CLASP1: variants seen among roughly 807,000 people sequenced by gnomAD.
CLASP1 encodes CLIP-associating protein 1.
CLASP1 carries 38 observed loss-of-function variants against 192.3 expected under a neutral mutation model. The observed-to-expected ratio is 0.20, with a 90% CI of 0.15 to 0.26. CLASP1 has a LOEUF of 0.26. Among genes scored for constraint, CLASP1 ranks in the 10% least tolerant of loss-of-function variants. CLASP1 has a pLI of 1.00. For missense variants in CLASP1, 1,433 were observed against 1,932.5 expected (o/e 0.74, Z 4.85); for synonymous variants, 691 against 712.8 (o/e 0.97, Z 0.49).
At position 121,533,235 on chromosome 2, in the gene CLASP1, C is replaced by T. The variant is rs550079376; in HGVS notation, c.196-2910G>A. On this transcript the variant is annotated intron_variant, in intron 2 of 39. Transcript: ENST00000263710. ...GCACCTGAGCCCCAGAGAAATAGGA[C>T]AGGAGAGGTCCAGGGTGTCAGCCAG... Among the ~76,000 whole-genome samples the T allele has an allele frequency of 1.9e-3, 292 of 152,272 alleles. 2 individuals carry two copies. The highest frequency in any genetic ancestry group is 6.0e-3 in the African/African-American group (249 of 41,550).
chr2:121,390,312 CACTGTTCTTGTCGGCATATGTGA>C (rs2074118545), intron 30 of CLASP1, among the ~76,000 whole-genome samples: 1 of 152,154 alleles, frequency 6.6e-6, no homozygotes, highest in Non-Finnish European at 1.5e-5. Context: ...TGGAGTACGC[CACTGTTCTTGTCGGCATATGTGA>C]ACTGTTATCT....
intron 8 of CLASP1, among the ~76,000 whole-genome samples, chr2:121,478,353 C>A (rs1239869927): frequency 2.0e-5 from 3 of 152,174 alleles, no homozygotes; most frequent in African/African-American, 4.8e-5. Context: ...GTAATCCCAG[C>A]ACTTTGGGAG....
intron 8 of CLASP1, among the ~76,000 whole-genome samples, chr2:121,483,546 ATG>A (rs200749088): frequency 1.1e-4 from 16 of 151,246 alleles, no homozygotes; most frequent in South Asian, 6.2e-4. Flanking sequence ...GTATGTATAT[ATG>A]TGTGTGTATA....
intron 25 of CLASP1, 28 bp from the exon 27 acceptor site, chr2:121,404,462 A>C: frequency 6.3e-7 from 1 of 1,576,572 alleles, no homozygotes; most frequent in Non-Finnish European, 8.7e-7. Context: ...GAAATCAATG[A>C]ATTTACTACT....
intron 2 of CLASP1, among the ~76,000 whole-genome samples, chr2:121,594,915 G>T (rs568255881): frequency 2.8e-5 from 4 of 141,318 alleles, no homozygotes; most frequent in African/African-American, 1.2e-4. Context: ...TTTTTTAACT[G>T]TTTTCTGAGG....
At chr2:121,592,796 G>A (rs1438013305) in intron 2 of CLASP1, among the ~76,000 whole-genome samples, 1 of 152,098 alleles carries the variant, frequency 6.6e-6, no homozygotes, top group African/African-American at 2.4e-5. Context: ...GGGACTATAG[G>A]TGCCCGCCAC....
intron 34 of CLASP1, among the ~76,000 whole-genome samples, chr2:121,376,540 G>A (rs2070245924): frequency 6.6e-6 from 1 of 151,848 alleles, no homozygotes; most frequent in South Asian, 2.1e-4. Flanking sequence ...GGGGGGGTCG[G>A]GGAGGAAAAC....
At chr2:121,451,814 T>A (rs200965196) in exon 15 of CLASP1, 17 of 1,575,690 alleles carry the variant, frequency 1.1e-5, no homozygotes, top group Non-Finnish European at 1.4e-5. Flanking sequence ...TGTCTGCCAT[T>A]CTTGTAAAAG....
At chr2:121,339,903 C>T (rs990020983) in exon 40 of CLASP1, 3 of 152,162 alleles carry the variant, frequency 2.0e-5, no homozygotes, top group Admixed American at 6.5e-5. Context: ...CATGTTAGAA[C>T]TGAACGGCTT....
intron 15 of CLASP1, 100 bp downstream of exon 15, chr2:121,451,690 A>G (rs1032240231): frequency 8.3e-6 from 7 of 845,998 alleles, no homozygotes; most frequent in Admixed American, 2.4e-5. Context: ...AAACGCATAT[A>G]TTCCTCCATT....
At chr2:121,514,378 C>T (rs2094227560) in intron 7 of CLASP1, among the ~76,000 whole-genome samples, 1 of 152,166 alleles carries the variant, frequency 6.6e-6, no homozygotes, top group Non-Finnish European at 1.5e-5. Context: ...CATGCCTTCC[C>T]TGATCATCTG....
chr2:121,498,201 C>CTTTTTTTTTTTTTTT (rs70954551), intron 8 of CLASP1, among the ~76,000 whole-genome samples: 3 of 119,092 alleles, frequency 2.5e-5, no homozygotes, highest in African/African-American at 7.4e-5. Flanking sequence ...GTAATAGTTT[C>CTTTTTTTTTTTTTTT]TTTTTTTTTT....
intron 19 of CLASP1, among the ~76,000 whole-genome samples, chr2:121,441,000 C>A (rs1214683354): frequency 6.6e-6 from 1 of 152,130 alleles, no homozygotes; most frequent in Non-Finnish European, 1.5e-5. Context: ...TCATTCATCT[C>A]ATGACTTTTT....
chr2:121,494,265 G>C (rs1333122915), intron 8 of CLASP1, among the ~76,000 whole-genome samples: 1 of 152,192 alleles, frequency 6.6e-6, no homozygotes, highest in East Asian at 1.9e-4. Flanking sequence ...GTACTATTCA[G>C]CCATAAAAAG....
intron 2 of CLASP1, among the ~76,000 whole-genome samples, chr2:121,561,022 T>C (rs564176831): frequency 6.2e-4 from 95 of 152,378 alleles, no homozygotes; most frequent in African/African-American, 2.1e-3. Context: ...TTTTCCTGCC[T>C]CAGCCTCCCG....
chr2:121,586,362 A>G lies in CLASP1; in HGVS notation c.195+19339T>C, dbSNP rs2061714800. Among the ~76,000 whole-genome samples, 3 of 152,246 alleles carry G rather than the reference A, an allele frequency of 2.0e-5. No individual in the cohort carries two copies. In the South Asian group the frequency reaches 6.2e-4, roughly 32 times the overall value. ...GGCTGGTCTCAAATGCCTGACCTGA[A>G]GTGATCCACCCACCTCAGCTTCCCA... is the stretch of plus-strand genomic sequence containing the variant. On this transcript the variant is annotated intron_variant, in intron 2 of 39. Transcript: ENST00000263710.
intron 34 of CLASP1, among the ~76,000 whole-genome samples, chr2:121,371,815 T>G (rs2068803245): frequency 6.6e-6 from 1 of 152,210 alleles, no homozygotes; most frequent in African/African-American, 2.4e-5. Context: ...TCCTCCACTG[T>G]GTAGGCAAGG....
chr2:121,373,491 T>C (rs527886608), intron 34 of CLASP1, among the ~76,000 whole-genome samples: 82 of 152,322 alleles, frequency 5.4e-4, no homozygotes, highest in South Asian at 6.2e-4. Context: ...ACTTTGGAAC[T>C]GGGTAACGGA....
chr2:121,437,210 G>T (rs1328868431), intron 19 of CLASP1, among the ~76,000 whole-genome samples: 1 of 151,914 alleles, frequency 6.6e-6, no homozygotes, highest in East Asian at 1.9e-4. Flanking sequence ...CAATCCTCCT[G>T]CCTCGGCCTC....
Sources: allele counts gnomAD v4.1 joint callset (sites outside exome capture counted in the v4.1 genomes callset), GRCh38; gene constraint gnomAD v4.1.1; transcripts MANE v1.5; gene names NCBI Gene and HGNC (gene_info 2026-07-23, HGNC 2026-07-21).